Variants in UBE4A observed in about 807,000 individuals in gnomAD.
The protein encoded by UBE4A is ubiquitin conjugation factor E4 A.
In UBE4A, 48 loss-of-function variants were observed where a neutral mutation model predicts 117.9. That is an observed-to-expected ratio of 0.41 (90% CI 0.32 to 0.52). UBE4A has a LOEUF of 0.52. Ranked by LOEUF, UBE4A falls within the 20% of genes least tolerant of loss-of-function variation. The pLI, the probability that UBE4A is intolerant of heterozygous loss-of-function variation, is 0.33. For synonymous variants in UBE4A, 407 were observed against 450.0 expected (o/e 0.90, Z 1.21); for missense variants, 1,067 against 1,296.3 (o/e 0.82, Z 2.72).
Position 118,397,832 on chromosome 11 carries a change from C to A in UBE4A, c.*1392C>A, listed in dbSNP as rs1346088389. On this transcript the variant is annotated 3_prime_UTR_variant, in exon 20 of 20. Coordinates refer to ENST00000252108, the MANE Select transcript of UBE4A (RefSeq NM_001204077.2). The stretch of plus-strand genomic sequence containing the variant: ...TTCAACACAAGTTGCTATAAGCAGT[C>A]CTTGATGGGTTTTTGATTGCATCAG... 6.6e-6 allele frequency: 1 copy of A among 152,086 alleles called. No homozygotes were observed. The highest frequency in any genetic ancestry group is 2.1e-4 in the South Asian group (1 of 4,824). The allele number at this position is 152,086 out of a possible 1,614,324, so 9.4% of individuals were successfully genotyped here.
Position 118,396,536 on chromosome 11 carries a change from CTTTTCT to C in UBE4A, c.*107_*112del. On this transcript the variant is annotated 3_prime_UTR_variant, in exon 20 of 20. Transcript: ENST00000252108. ...TCTGGTTCTGTTCCTTTTCTTTCTT[CTTTTCT>C]TTTTCTTTTTTTTTTTTTTTTTTAC... The C allele has an allele frequency of 2.8e-6, 3 of 1,055,124 alleles. No homozygotes were observed. Among genetic ancestry groups the C allele is most frequent in the Non-Finnish European group, 3.9e-6 (3 of 776,442 alleles). 65.4% of individuals were successfully genotyped at this position (1,055,124 alleles called of 1,614,324 possible). A position where few individuals can be genotyped will look rare whatever the true frequency, so the allele number is the denominator to read the frequency against.
At chr11:118,394,251 G>C (rs1948847565) in intron 19 of UBE4A, among the ~76,000 whole-genome samples, 1 of 152,060 alleles carries the variant, frequency 6.6e-6, no homozygotes, top group South Asian at 2.1e-4. Flanking sequence ...ACCCTCCCAG[G>C]CTCAAGCAAC....
In UBE4A at chr11:118,393,537, G is replaced by A. The variant is rs189574950; in HGVS notation, c.3074+642G>A. Among the ~76,000 whole-genome samples, 803 of 152,124 alleles carry A rather than the reference G, an allele frequency of 5.3e-3. 10 individuals are homozygous for A. Among genetic ancestry groups the A allele is most frequent in the African/African-American group, 0.018 (759 of 41,518 alleles). On this transcript the variant is annotated intron_variant, in intron 19 of 19. Transcript: ENST00000252108. Reference sequence around the variant, plus strand: ...TGGTCTTGAACTCCTGGGTTCAAGCGATCCAACCGCCTCAGCCTCCCAAAG... The same window carrying A: ...TGGTCTTGAACTCCTGGGTTCAAGCAATCCAACCGCCTCAGCCTCCCAAAG...
At chr11:118,371,387 T>C in intron 4 of UBE4A, 127 bp from the exon 5 acceptor site, 1 of 1,203,402 alleles carries the variant, frequency 8.3e-7, no homozygotes, top group Non-Finnish European at 1.1e-6. Flanking sequence ...GCCCTTTTTT[T>C]CTCCTTCACT....
chr11:118,394,396 A>G (rs1217105604), intron 19 of UBE4A, among the ~76,000 whole-genome samples: 1 of 152,128 alleles, frequency 6.6e-6, no homozygotes, highest in Non-Finnish European at 1.5e-5. Context: ...TCCTGGGCTC[A>G]AGCAGTCCAC....
At chr11:118,377,190 AT>A (rs1948660229) in intron 10 of UBE4A, among the ~76,000 whole-genome samples, 1 of 152,140 alleles carries the variant, frequency 6.6e-6, no homozygotes, top group South Asian at 2.1e-4. Context: ...GATTCCTTAA[AT>A]TTGTTTTTAA....
At chr11:118,377,314 T>A (rs1948661687) in intron 10 of UBE4A, among the ~76,000 whole-genome samples, 1 of 152,088 alleles carries the variant, frequency 6.6e-6, no homozygotes, top group Admixed American at 6.5e-5. Context: ...TTCAAGCAAT[T>A]CTTCTGCCTC....
At chr11:118,391,962 T>G (rs1448146405) in intron 18 of UBE4A, among the ~76,000 whole-genome samples, 1 of 152,160 alleles carries the variant, frequency 6.6e-6, no homozygotes, top group Non-Finnish European at 1.5e-5. Context: ...GATGAGTAGT[T>G]TTCAGTCATT....
rs1182359946 is a variant in UBE4A, at chr11:118,379,895, AC to A, written c.1876+146del. 11 of 1,006,804 alleles carry A rather than the reference AC, an allele frequency of 1.1e-5. No homozygotes were observed. The East Asian group carries it at 2.9e-4, about 27-fold the overall frequency. The allele number at this position is 1,006,804 out of a possible 1,614,324, so 62.4% of individuals were successfully genotyped here. A position where few individuals can be genotyped will look rare whatever the true frequency, so the allele number is the denominator to read the frequency against. On this transcript the variant is annotated intron_variant, in intron 11 of 19. Coordinates refer to ENST00000252108, the MANE Select transcript of UBE4A (RefSeq NM_001204077.2). ...AACAACTCAAACTTAGATAATATCT[AC>A]TGGTCAAAGTATTAGGGGACTAACA...
intron 2 of UBE4A, among the ~76,000 whole-genome samples, chr11:118,367,029 C>G (rs1948568948): frequency 6.6e-6 from 1 of 152,114 alleles, no homozygotes; most frequent in East Asian, 1.9e-4. Context: ...CATGGTGAAA[C>G]CCCATCTCTA....
At chr11:118,394,413 C>G (rs1948849283) in intron 19 of UBE4A, among the ~76,000 whole-genome samples, 1 of 152,190 alleles carries the variant, frequency 6.6e-6, no homozygotes, top group Admixed American at 6.5e-5. Context: ...CCACTCACAT[C>G]AGCCTCCCAA....
intron 11 of UBE4A, among the ~76,000 whole-genome samples, chr11:118,380,179 G>A (rs1005679015): frequency 1.3e-4 from 20 of 149,266 alleles, no homozygotes; most frequent in African/African-American, 4.4e-4. Flanking sequence ...GTGTGTGTCA[G>A]TGAGTCATTG....
At chr11:118,370,634 A>AG (rs1039235334) in intron 4 of UBE4A, among the ~76,000 whole-genome samples, 1 of 152,078 alleles carries the variant, frequency 6.6e-6, no homozygotes, top group African/African-American at 2.4e-5. Context: ...AAAAAAAAAA[A>AG]AAGAACACCC....
chr11:118,369,644 CTCTT>C (rs1450372272), intron 4 of UBE4A, 109 bp downstream of exon 4: 3 of 618,290 alleles, frequency 4.9e-6, no homozygotes, highest in Admixed American at 3.1e-5. Flanking sequence ...CCATCCCTCT[CTCTT>C]TTTTTTTTTT....
At chr11:118,390,924 C>T in intron 18 of UBE4A, 120 bp downstream of exon 18, 2 of 1,324,378 alleles carry the variant, frequency 1.5e-6, no homozygotes, top group Non-Finnish European at 2.1e-6. Flanking sequence ...ATCACTTAAG[C>T]CCAGGAGTTT....
chr11:118,369,107 T>C (rs1948588004), intron 3 of UBE4A, among the ~76,000 whole-genome samples: 2 of 152,196 alleles, frequency 1.3e-5, no homozygotes, highest in African/African-American at 4.8e-5. Flanking sequence ...AACCTAAATA[T>C]TCAGATGGAA....
intron 8 of UBE4A, among the ~76,000 whole-genome samples, chr11:118,374,146 C>G (rs7125893): frequency 0.03 from 4,511 of 152,074 alleles, 214 homozygotes; most frequent in African/African-American, 0.1. Flanking sequence ...GTAGCATATG[C>G]TAAGAACAGC....
At chr11:118,386,652 G>A in intron 16 of UBE4A, 40 bp downstream of exon 16, 1 of 1,484,620 alleles carries the variant, frequency 6.7e-7, no homozygotes, top group Non-Finnish European at 8.9e-7. Flanking sequence ...AAAAAGTAAT[G>A]GCCAAGATCA....
At chr11:118,392,653 G>T in intron 18 of UBE4A, 85 bp from the exon 19 acceptor site, 2 of 1,336,398 alleles carry the variant, frequency 1.5e-6, no homozygotes, top group South Asian at 1.4e-5. Flanking sequence ...TTTTATTTTT[G>T]AGATGGAGTC....
Sources: allele counts gnomAD v4.1 joint callset (sites outside exome capture counted in the v4.1 genomes callset), GRCh38; gene constraint gnomAD v4.1.1; transcripts MANE v1.5; gene names NCBI Gene and HGNC (gene_info 2026-07-23, HGNC 2026-07-21).